RNF157: variants seen among roughly 807,000 people sequenced by gnomAD.
RNF157 encodes ring finger protein 157, also known as E3 ubiquitin ligase RNF157.
A neutral mutation model predicts 88.3 loss-of-function variants in RNF157; 55 were observed. The ratio of observed to expected loss-of-function variants is 0.62; its 90% confidence interval spans 0.50 to 0.78. RNF157 has a LOEUF of 0.78. Among genes scored for constraint, RNF157 ranks in the 30% least tolerant of loss-of-function variants. RNF157 has a pLI of 0.00. For missense variants in RNF157, 788 were observed against 860.8 expected, an observed-to-expected ratio of 0.92 and a Z score of 1.06; for synonymous variants, 334 against 341.2, an observed-to-expected ratio of 0.98 and a Z score of 0.23.
intron 2 of RNF157, among the ~76,000 whole-genome samples, chr17:76,206,378 A>T (rs2069682719): frequency 6.6e-6 from 1 of 152,220 alleles, no homozygotes; most frequent in African/African-American, 2.4e-5. Flanking sequence ...CTCTTCTGCC[A>T]CCTAGGAAGG....
chr17:76,236,026 A>AT (rs977061225), intron 1 of RNF157, among the ~76,000 whole-genome samples: 1 of 152,126 alleles, frequency 6.6e-6, no homozygotes, highest in African/African-American at 2.4e-5. Flanking sequence ...AAATTATTTA[A>AT]TTTTTTAAAA....
intron 18 of RNF157, among the ~76,000 whole-genome samples, chr17:76,149,797 G>A (rs2068645037): frequency 6.6e-6 from 1 of 152,138 alleles, no homozygotes; most frequent in African/African-American, 2.4e-5. Flanking sequence ...ACTTTGGGGG[G>A]CCGAGGTGGG....
intron 1 of RNF157, chr17:76,226,092 T>C: frequency 6.2e-7 from 1 of 1,601,836 alleles, no homozygotes; most frequent in Non-Finnish European, 8.5e-7. Flanking sequence ...GGAGAGCCCC[T>C]GGTAGAGGGG....
rs763738132 is a variant in RNF157, at chr17:76,144,987, G to A, written c.*248C>T. ...CTCCACCTGAACATCAATATACCGT[G>A]AGGACATTCCAGAGTCCCTGCAAAA... On this transcript the variant is annotated 3_prime_UTR_variant, in exon 19 of 19. Transcript: ENST00000269391. 7 of 462,396 alleles carry A rather than the reference G, an allele frequency of 1.5e-5. No individual in the cohort carries two copies. The highest frequency in any genetic ancestry group is 2.7e-5 in the Non-Finnish European group (7 of 260,496). The allele number at this position is 462,396 out of a possible 1,614,324, so 28.6% of individuals were successfully genotyped here. A position where few individuals can be genotyped will look rare whatever the true frequency, so the allele number is the denominator to read the frequency against.
intron 2 of RNF157, among the ~76,000 whole-genome samples, chr17:76,185,518 G>A (rs1389418536): frequency 2.7e-5 from 4 of 147,824 alleles, no homozygotes; most frequent in African/African-American, 1.0e-4. Context: ...CGCCCAGGCT[G>A]GAGTGCAGTG....
intron 2 of RNF157, among the ~76,000 whole-genome samples, chr17:76,189,950 C>T (rs1486399256): frequency 6.6e-6 from 1 of 152,184 alleles, no homozygotes; most frequent in African/African-American, 2.4e-5. Flanking sequence ...TCCTCCAGCC[C>T]TGTAGACCTT....
chr17:76,198,231 C>T (rs2069510052), intron 2 of RNF157, among the ~76,000 whole-genome samples: 2 of 152,098 alleles, frequency 1.3e-5, no homozygotes. Flanking sequence ...GGAGGGGTTC[C>T]TGAGGGTGTT....
chr17:76,150,006 C>G (rs2068649856), intron 18 of RNF157, among the ~76,000 whole-genome samples: 1 of 152,166 alleles, frequency 6.6e-6, no homozygotes, highest in Non-Finnish European at 1.5e-5. Context: ...GCACTCCAGG[C>G]TGGGCGACAG....
intron 1 of RNF157, 56 bp from the exon 2 acceptor site, chr17:76,212,538 T>G: frequency 1.8e-6 from 2 of 1,092,280 alleles, no homozygotes; most frequent in Non-Finnish European, 2.7e-6. Context: ...AACCTAAATC[T>G]AGTAAAAAAA....
At chr17:76,196,348 T>C (rs957056644) in intron 2 of RNF157, among the ~76,000 whole-genome samples, 4 of 152,212 alleles carry the variant, frequency 2.6e-5, no homozygotes, top group Admixed American at 2.6e-4. Flanking sequence ...TGCGGTTACC[T>C]TAGGCTAGAG....
chr17:76,171,440 G>C (rs2069013625), intron 3 of RNF157, among the ~76,000 whole-genome samples: 1 of 151,972 alleles, frequency 6.6e-6, no homozygotes, highest in Admixed American at 6.6e-5. Flanking sequence ...CGCCCGCCTT[G>C]GTCTCCCAAA....
chr17:76,164,817 T>C (rs749054915), intron 7 of RNF157, 22 bp from the exon 8 acceptor site: 155 of 1,598,228 alleles, frequency 9.7e-5, no homozygotes, highest in Middle Eastern at 1.6e-4. Context: ...ATATGAAAGT[T>C]ATGACAAGGA....
chr17:76,230,866 GAGAGAGAGAGAGAA>G (rs1424513032), intron 1 of RNF157, among the ~76,000 whole-genome samples: 2 of 110,132 alleles, frequency 1.8e-5, no homozygotes, highest in Non-Finnish European at 3.5e-5. Flanking sequence ...AAAAGAGAGA[GAGAGAGAGAGAGAA>G]AGAGAAAGAG....
chr17:76,181,872 C>T (rs920726824), intron 2 of RNF157, among the ~76,000 whole-genome samples: 1 of 141,634 alleles, frequency 7.1e-6, no homozygotes, highest in Non-Finnish European at 1.5e-5. Context: ...CACACCACTG[C>T]ACTCCAGCCT....
chr17:76,165,012 ATTGT>A (rs2068900532), intron 7 of RNF157, among the ~76,000 whole-genome samples: 1 of 152,212 alleles, frequency 6.6e-6, no homozygotes, highest in Non-Finnish European at 1.5e-5. Context: ...TATAGTTATA[ATTGT>A]TTTAGTTTAC....
chr17:76,210,452 T>A (rs1398554905), intron 2 of RNF157, among the ~76,000 whole-genome samples: 2 of 150,402 alleles, frequency 1.3e-5, no homozygotes, highest in Admixed American at 6.6e-5. Context: ...TAGCCGGGTG[T>A]AGTGGCGGGT....
chr17:76,204,668 G>A (rs1163131282), intron 2 of RNF157, among the ~76,000 whole-genome samples: 1 of 152,182 alleles, frequency 6.6e-6, no homozygotes, highest in African/African-American at 2.4e-5. Flanking sequence ...TGACACATAT[G>A]ATAATAGGGT....
rs147597063 is a variant in RNF157, at chr17:76,157,996, G to T, written c.1413+397C>A. Among the ~76,000 whole-genome samples the T allele has an allele frequency of 6.6e-6, 1 of 151,856 alleles. No individual in the cohort carries two copies. Among genetic ancestry groups the T allele is most frequent in the South Asian group, 2.1e-4 (1 of 4,790 alleles). On this transcript the variant is annotated intron_variant, in intron 13 of 18. Coordinates refer to ENST00000269391, the MANE Select transcript of RNF157 (RefSeq NM_052916.3). This position sits in a 1 kb window ranked among gnomAD's most constrained non-coding sequence, Gnocchi z 5.6. ...TTCCCTTGGTCTTGGCTCCTGGACC[G>T]CTTTTTAAGAATGGCAGCCCCCACT...
chr17:76,213,162 A>G (rs965252940), intron 1 of RNF157, among the ~76,000 whole-genome samples: 3 of 152,232 alleles, frequency 2.0e-5, no homozygotes, highest in African/African-American at 7.2e-5. Flanking sequence ...TGAAGTAGTT[A>G]TTCCATGTAT....
Sources: allele counts gnomAD v4.1 joint callset (sites outside exome capture counted in the v4.1 genomes callset), GRCh38; gene constraint gnomAD v4.1.1; non-coding constraint Gnocchi (gnomAD v3.1); transcripts MANE v1.5; gene names NCBI Gene and HGNC (gene_info 2026-07-23, HGNC 2026-07-21).